PTPRT: variants seen among roughly 807,000 people sequenced by gnomAD.
PTPRT encodes protein tyrosine phosphatase receptor type T.
A neutral mutation model predicts 176.8 loss-of-function variants in PTPRT; 56 were observed. The observed-to-expected ratio is 0.32, with a 90% confidence interval of 0.26 to 0.40. The LOEUF is 0.40. Ranked by LOEUF, PTPRT falls within the 10% of genes least tolerant of loss-of-function variation. The pLI is 1.00. For missense variants in PTPRT, 1,540 were observed against 1,908.2 expected (o/e 0.81, Z 3.60); for synonymous variants, 783 against 739.0 (o/e 1.06, Z -0.96).
At chr20:42,871,360 T>A (rs1042789593) in intron 2 of PTPRT, among the ~76,000 whole-genome samples, 4 of 151,782 alleles carry the variant, frequency 2.6e-5, no homozygotes, top group African/African-American at 9.7e-5. Context: ...TATTGTTGAG[T>A]GGTAGGCATT....
intron 1 of PTPRT, among the ~76,000 whole-genome samples, chr20:42,976,237 A>G (rs1002654381): frequency 2.0e-5 from 3 of 152,166 alleles, no homozygotes; most frequent in Admixed American, 6.5e-5. Flanking sequence ...GGAGCCCTGC[A>G]TATCATCATC....
chr20:42,560,298 C>T lies in PTPRT; in HGVS notation c.1154-87736G>A, dbSNP rs951193055. ...AGAATAGGAGGATGGCGAGGTTGGG[C>T]AGTGATTCTCTCCCTGCTTTTCCAT... On this transcript the variant is annotated intron_variant, in intron 7 of 30. Transcript: ENST00000373187. Among the ~76,000 whole-genome samples, 5 of 152,304 alleles carry T rather than the reference C, an allele frequency of 3.3e-5. No individual in the cohort carries two copies. In the South Asian group the frequency reaches 1.0e-3, roughly 32 times the overall value.
intron 1 of PTPRT, among the ~76,000 whole-genome samples, chr20:43,023,410 A>G (rs1279754315): frequency 6.6e-6 from 1 of 152,192 alleles, no homozygotes; most frequent in Non-Finnish European, 1.5e-5. Context: ...CCAAGTGCTC[A>G]TCCCCTCTGA....
chr20:42,193,931 G>A (rs892319462), intron 16 of PTPRT, among the ~76,000 whole-genome samples: 3 of 152,104 alleles, frequency 2.0e-5, no homozygotes, highest in Non-Finnish European at 2.9e-5. Flanking sequence ...AGAATGAGAT[G>A]GATAGACTCT....
At chr20:42,259,691 T>G (rs1048229968) in intron 13 of PTPRT, among the ~76,000 whole-genome samples, 3 of 152,184 alleles carry the variant, frequency 2.0e-5, no homozygotes, top group Non-Finnish European at 2.9e-5. Flanking sequence ...ATGACCAGGA[T>G]GTGGCTGAGG....
chr20:42,698,241 G>A (rs1019772345), intron 6 of PTPRT, among the ~76,000 whole-genome samples: 1 of 152,182 alleles, frequency 6.6e-6, no homozygotes, highest in Non-Finnish European at 1.5e-5. Flanking sequence ...GCTGATGTGA[G>A]CACATTTAGG....
chr20:43,000,481 T>C (rs1197888830), intron 1 of PTPRT, among the ~76,000 whole-genome samples: 1 of 151,764 alleles, frequency 6.6e-6, no homozygotes, highest in Non-Finnish European at 1.5e-5. Context: ...TCAAAGAAAT[T>C]GAAAAAAACC....
chr20:42,053,937 G>A, the PTPRT span, among the ~76,000 whole-genome samples: 6 of 152,138 alleles, frequency 3.9e-5, no homozygotes, highest in African/African-American at 1.4e-4. Context: ...CATCAGATTT[G>A]GGGGTCAGTT....
chr20:43,041,172 G>T (rs1986591062), intron 1 of PTPRT, among the ~76,000 whole-genome samples: 1 of 152,190 alleles, frequency 6.6e-6, no homozygotes, highest in African/African-American at 2.4e-5. Flanking sequence ...GAGCTTAAAT[G>T]ACTTGCTTCA....
intron 8 of PTPRT, among the ~76,000 whole-genome samples, chr20:42,463,731 T>C (rs756833822): frequency 6.6e-6 from 1 of 152,166 alleles, no homozygotes. Context: ...CCATGTACAA[T>C]TCAACAGGAG....
chr20:42,682,538 C>T (rs2075621092), intron 6 of PTPRT, among the ~76,000 whole-genome samples: 1 of 152,232 alleles, frequency 6.6e-6, no homozygotes, highest in South Asian at 2.1e-4. Context: ...ACACCATCAT[C>T]TGTGCAAAGC....
At chr20:42,356,520 C>T (rs534310293) in intron 9 of PTPRT, among the ~76,000 whole-genome samples, 19 of 151,998 alleles carry the variant, frequency 1.3e-4, no homozygotes, top group African/African-American at 4.6e-4. Context: ...CACAGAGAAA[C>T]CCCGTCTCTA....
chr20:42,720,137 T>C (rs1317833501), intron 6 of PTPRT, among the ~76,000 whole-genome samples: 9 of 152,204 alleles, frequency 5.9e-5, no homozygotes, highest in Non-Finnish European at 1.2e-4. Flanking sequence ...AAATCCTTCA[T>C]ACCCTTGAGG....
intron 9 of PTPRT, among the ~76,000 whole-genome samples, chr20:42,418,956 G>C (rs1244130504): frequency 6.6e-6 from 1 of 152,214 alleles, no homozygotes; most frequent in Non-Finnish European, 1.5e-5. Flanking sequence ...CCAGAGGAGA[G>C]AGATTTGTCT....
chr20:43,123,924 C>T (rs2146364523), intron 1 of PTPRT, among the ~76,000 whole-genome samples: 1 of 152,278 alleles, frequency 6.6e-6, no homozygotes. Context: ...TTTTGTGAGA[C>T]ACAAATATTA....
chr20:42,811,604 A>T (rs1388580206), intron 2 of PTPRT, among the ~76,000 whole-genome samples: 33 of 152,066 alleles, frequency 2.2e-4, no homozygotes, highest in Admixed American at 2.2e-3. Context: ...TTATCTAATG[A>T]CTCCATGCTG....
At chr20:43,084,353 G>A (rs1044389629) in intron 1 of PTPRT, among the ~76,000 whole-genome samples, 3 of 151,848 alleles carry the variant, frequency 2.0e-5, no homozygotes, top group Non-Finnish European at 2.9e-5. Flanking sequence ...TCACAATTCT[G>A]CATGGCTGGG....
chr20:43,025,401 AAAGCAT>A (rs1204228043), intron 1 of PTPRT, among the ~76,000 whole-genome samples: 3 of 152,206 alleles, frequency 2.0e-5, no homozygotes, highest in Admixed American at 2.0e-4. Context: ...ACTGATGGTA[AAAGCAT>A]TAGCAGCACT....
chr20:42,271,006 A>C (rs1225579386), intron 13 of PTPRT, among the ~76,000 whole-genome samples: 1 of 152,174 alleles, frequency 6.6e-6, no homozygotes, highest in Non-Finnish European at 1.5e-5. Context: ...TGGATTATTT[A>C]AGCAGCCTGT....
Sources: gnomAD v4.1 joint callset for allele counts (sites outside exome capture counted in the v4.1 genomes callset) on GRCh38, gnomAD v4.1.1 for gene constraint, MANE v1.5 for transcripts, NCBI Gene and HGNC (gene_info 2026-07-23, HGNC 2026-07-21) for gene names.